KRTAP1-5: variants seen among roughly 807,000 people sequenced by gnomAD.
KRTAP1-5 encodes keratin-associated protein 1-5.
KRTAP1-5 carries 10 observed loss-of-function variants against 14.2 expected under a neutral mutation model. The ratio of observed to expected loss-of-function variants is 0.70; its 90% CI spans 0.43 to 1.19. The LOEUF is 1.19. Among genes scored for constraint, KRTAP1-5 ranks in the 50% most tolerant of loss-of-function variants. The pLI, the probability that KRTAP1-5 is intolerant of heterozygous loss-of-function variation, is 0.00. For synonymous variants in KRTAP1-5, 107 were observed against 80.2 expected (o/e 1.33, Z -1.79); for missense variants, 234 against 223.5 (o/e 1.05, Z -0.30).
rs1263633829 is a variant in KRTAP1-5 at position 41,026,862 on chromosome 17, A to T, written c.294T>A (p.Gly98=). The part of the protein sequence containing the change: ...ISSCGTGCGI[G]GGISYGQEGS... Reference sequence around the variant, plus strand: ...CCTCCTGGCCATAGCTGATGCCACCACCAATGCCACAGCCAGTTCCGCAGG... The same window carrying T: ...CCTCCTGGCCATAGCTGATGCCACCTCCAATGCCACAGCCAGTTCCGCAGG... The change falls in exon 1 of 1, where the codon GGT becomes GGA. Residue 98 remains glycine, a synonymous_variant. Coordinates refer to ENST00000361883, the MANE Select transcript of KRTAP1-5 (RefSeq NM_031957.2). 1.2e-6 allele frequency: 2 copies of T among 1,612,186 alleles called. No individual in the cohort carries two copies. Among genetic ancestry groups the T allele is most frequent in the East Asian group, 4.5e-5 (2 of 44,884 alleles).
At position 41,027,167 on chromosome 17, in the gene KRTAP1-5, T is replaced by C; in HGVS notation, c.-12A>G. On this transcript the variant is annotated 5_prime_UTR_variant, in exon 1 of 1. Transcript: ENST00000361883. The stretch of plus-strand genomic sequence containing the variant: ...TGGCAGCAGGTCATGGTGTCAGAAG[T>C]TGGGTTAAGAGTTAGGTTGCTTGGA... 15 of 1,613,712 alleles carry C rather than the reference T, an allele frequency of 9.3e-6. No homozygotes were observed. The highest frequency in any genetic ancestry group is 1.1e-5 in the Non-Finnish European group (13 of 1,179,678).
In KRTAP1-5 at chr17:41,026,755, C is replaced by G; in HGVS notation, c.401G>C (p.Cys134Ser). 1 of 1,612,918 alleles carries G rather than the reference C, an allele frequency of 6.2e-7. No individual in the cohort carries two copies. The highest frequency in any genetic ancestry group is 8.5e-7 in the Non-Finnish European group (1 of 1,179,512). The change falls in exon 1 of 1, where the codon TGT (cysteine) becomes TCT (serine). Residue 134 changes from cysteine to serine, a missense_variant. Transcript: ENST00000361883. ...GGATGGGGGCGTGCAGCTCACCACA[C>G]AGCAGGGGGGTAGGTAGGTGCCCTC... ...RVEGTYLPPC[C>S]VVSCTPPSCC...
In KRTAP1-5 at chr17:41,026,745, G is replaced by C. The variant is rs765209581; in HGVS notation, c.411C>G (p.Ser137Arg). The C allele has an allele frequency of 5.6e-6, 9 of 1,613,360 alleles. No homozygotes were observed. The East Asian group carries it at 2.0e-4, about 36-fold the overall frequency. The part of the protein sequence containing the change: ...GTYLPPCCVV[S>R]CTPPSCCQLH... The stretch of plus-strand genomic sequence containing the variant: ...GTTGGCAGCAGGATGGGGGCGTGCA[G>C]CTCACCACACAGCAGGGGGGTAGGT... The change falls in exon 1 of 1, where the codon AGC becomes AGG. Residue 137 changes from serine to arginine, a missense_variant. By Grantham distance (110) the Ser-to-Arg change is moderately radical. Transcript: ENST00000361883.
Position 41,026,289 on chromosome 17 carries a change from A to C in KRTAP1-5, c.*342T>G. On this transcript the variant is annotated 3_prime_UTR_variant, in exon 1 of 1. Transcript: ENST00000361883. The stretch of plus-strand genomic sequence containing the variant: ...CAAAAAATTTTAGGTAAACAAGATA[A>C]AATAGATTATAAAGCATGGAAACAT... 3.7e-6 allele frequency: 1 copy of C among 268,532 alleles called. No homozygotes were observed. The highest frequency in any genetic ancestry group is 1.1e-3 in the Middle Eastern group (1 of 914). 16.6% of individuals were successfully genotyped at this position (268,532 alleles called of 1,614,324 possible).
rs1357135724 is a variant in KRTAP1-5, at chr17:41,026,277, G to C, written c.*354C>G. 1 of 233,460 alleles carries C rather than the reference G, an allele frequency of 4.3e-6. No individual in the cohort carries two copies. The highest frequency in any genetic ancestry group is 8.2e-6 in the Non-Finnish European group (1 of 122,192). 14.5% of individuals were successfully genotyped at this position (233,460 alleles called of 1,614,324 possible). ...TCTTTGATGTTGCAAAAAATTTTAG[G>C]TAAACAAGATAAAATAGATTATAAA... On this transcript the variant is annotated 3_prime_UTR_variant, in exon 1 of 1. Transcript: ENST00000361883.
At position 41,026,392 on chromosome 17, in the gene KRTAP1-5, G is replaced by A; in HGVS notation, c.*239C>T. 2 of 499,354 alleles carry A rather than the reference G, an allele frequency of 4.0e-6. No homozygotes were observed. Among genetic ancestry groups the A allele is most frequent in the East Asian group, 3.0e-5 (1 of 33,148 alleles). 30.9% of individuals were successfully genotyped at this position (499,354 alleles called of 1,614,324 possible). ...TAATCCTGCAGAAATATCAGAAATA[G>A]TATATCCCAAGCAAATTGATGATCA... On this transcript the variant is annotated 3_prime_UTR_variant, in exon 1 of 1. Transcript: ENST00000361883.
Position 41,026,887 on chromosome 17 carries a change from G to A in KRTAP1-5, c.269C>T (p.Ser90Phe). 1 of 1,611,104 alleles carries A rather than the reference G, an allele frequency of 6.2e-7. No individual in the cohort carries two copies. Among genetic ancestry groups the A allele is most frequent in the Non-Finnish European group, 8.5e-7 (1 of 1,179,890 alleles). Reference sequence around the variant, plus strand: ...ACCAATGCCACAGCCAGTTCCGCAGGAGCTGATCTGGCAGCAGCTTGGCTG... The same window carrying A: ...ACCAATGCCACAGCCAGTTCCGCAGAAGCTGATCTGGCAGCAGCTTGGCTG... Reference protein sequence around the residue: ...CCQPSCCQISSCGTGCGIGGG... With the variant: ...CCQPSCCQISFCGTGCGIGGG... The change falls in exon 1 of 1, where the codon TCC becomes TTC. Residue 90 changes from serine to phenylalanine, a missense_variant. By Grantham distance (155) the Ser-to-Phe change is radical. Transcript: ENST00000361883.
chr17:41,027,184 T>C lies in KRTAP1-5; in HGVS notation c.-29A>G, dbSNP rs761219098. On this transcript the variant is annotated 5_prime_UTR_variant, in exon 1 of 1. Transcript: ENST00000361883. The stretch of plus-strand genomic sequence containing the variant: ...GTCAGAAGTTGGGTTAAGAGTTAGG[T>C]TGCTTGGAGGAGTTTCTGAGGTTTG... The C allele has an allele frequency of 6.2e-7, 1 of 1,609,304 alleles. No homozygotes were observed. Among genetic ancestry groups the C allele is most frequent in the Non-Finnish European group, 8.5e-7 (1 of 1,176,658 alleles).
Position 41,026,887 on chromosome 17 carries a change from G to T in KRTAP1-5, c.269C>A (p.Ser90Tyr), listed in dbSNP as rs752375976. 1.2e-6 allele frequency: 2 copies of T among 1,610,992 alleles called. No individual in the cohort carries two copies. Among genetic ancestry groups the T allele is most frequent in the African/African-American group, 2.7e-5 (2 of 73,376 alleles). Reference protein sequence around the residue: ...CCQPSCCQISSCGTGCGIGGG... With the variant: ...CCQPSCCQISYCGTGCGIGGG... ...ACCAATGCCACAGCCAGTTCCGCAG[G>T]AGCTGATCTGGCAGCAGCTTGGCTG... Residue 90 changes from serine (S) to tyrosine (Y), a missense_variant, in exon 1 of 1, where the codon TCC (serine) becomes TAC (tyrosine). By Grantham distance (144) the Ser-to-Tyr change is moderately radical (BLOSUM62 -2). Transcript: ENST00000361883.
At position 41,026,320 on chromosome 17, in the gene KRTAP1-5, T is replaced by C. The variant is rs2012322682; in HGVS notation, c.*311A>G. ...ATTATAAAGCATGGAAACATTAGAC[T>C]TGTGGATAGTTCTCATGGATAAATT... On this transcript the variant is annotated 3_prime_UTR_variant, in exon 1 of 1. Coordinates refer to ENST00000361883, the MANE Select transcript of KRTAP1-5 (RefSeq NM_031957.2). 3 of 370,146 alleles carry C rather than the reference T, an allele frequency of 8.1e-6. No homozygotes were observed. The highest frequency in any genetic ancestry group is 1.5e-5 in the Non-Finnish European group (3 of 206,430). The allele number at this position is 370,146 out of a possible 1,614,324, so 22.9% of individuals were successfully genotyped here. A position where few individuals can be genotyped will look rare whatever the true frequency, so the allele number is the denominator to read the frequency against.
Position 41,027,121 on chromosome 17 carries a change from G to A in KRTAP1-5, c.35C>T (p.Pro12Leu). ...ACAGGTCCCACTGATGGAGAAGCTG[G>A]GATATCCACAGAAGCTGGTCTGGCA... is the stretch of plus-strand genomic sequence containing the variant. Reference protein sequence around the residue: ...TCCQTSFCGYPSFSISGTCGS... With the variant: ...TCCQTSFCGYLSFSISGTCGS... The change falls in exon 1 of 1, where the codon CCC becomes CTC. Residue 12 changes from proline to leucine, a missense_variant. Physicochemically the swap from Pro to Leu is moderately conservative, Grantham distance 98. Transcript: ENST00000361883. 1 of 1,614,228 alleles carries A rather than the reference G, an allele frequency of 6.2e-7. No homozygotes were observed. The highest frequency in any genetic ancestry group is 8.5e-7 in the Non-Finnish European group (1 of 1,180,040).
Position 41,026,973 on chromosome 17 carries a change from G to A in KRTAP1-5, c.183C>T (p.Cys61=), listed in dbSNP as rs1458666840. 6.2e-6 allele frequency: 10 copies of A among 1,608,834 alleles called. No homozygotes were observed. Among genetic ancestry groups the A allele is most frequent in the Non-Finnish European group, 8.5e-6 (10 of 1,179,000 alleles). The change falls in exon 1 of 1, where the codon TGC becomes TGT. Residue 61 remains cysteine, a synonymous_variant. Coordinates refer to ENST00000361883, the MANE Select transcript of KRTAP1-5 (RefSeq NM_031957.2). ...AGCTGGTCTCACAGCAGCTTGGCTG[G>A]CAGCAACTGGAGCTGCAGGTCCCAC... ...STSGTCSSSC[C]QPSCCETSCC...
rs960336926 is a variant in KRTAP1-5, at chr17:41,026,744, A to G, written c.412T>C (p.Cys138Arg). 44 of 1,613,388 alleles carry G rather than the reference A, an allele frequency of 2.7e-5. No homozygotes were observed. The highest frequency in any genetic ancestry group is 5.3e-5 in the African/African-American group (4 of 74,892). ...AGTTGGCAGCAGGATGGGGGCGTGC[A>G]GCTCACCACACAGCAGGGGGGTAGG... ...TYLPPCCVVSCTPPSCCQLHH... is the reference protein window; with the variant it reads ...TYLPPCCVVSRTPPSCCQLHH... Residue 138 changes from cysteine to arginine, a missense_variant, in exon 1 of 1, where the codon TGC becomes CGC. Cys to Arg is a radical substitution (Grantham distance 180). Coordinates refer to ENST00000361883, the MANE Select transcript of KRTAP1-5 (RefSeq NM_031957.2).
Position 41,027,075 on chromosome 17 carries a change from T to G in KRTAP1-5, c.81A>C (p.Pro27=), listed in dbSNP as rs2012351928. The G allele has an allele frequency of 1.9e-6, 3 of 1,613,696 alleles. No individual in the cohort carries two copies. Among genetic ancestry groups the G allele is most frequent in the Non-Finnish European group, 2.5e-6 (3 of 1,179,964 alleles). The change falls in exon 1 of 1, where the codon CCA becomes CCC. Residue 27 remains proline (P), a synonymous_variant. Transcript: ENST00000361883. ...SGTCGSSCCQ[P]SCCETSCCQP... ...GGCAGCAGCTGGTCTCACAGCAGCT[T>G]GGCTGGCAGCAGCTGGAGCCACAGG...
rs750070334 is a variant in KRTAP1-5, at chr17:41,027,190, G to A, written c.-35C>T. 5.0e-6 allele frequency: 8 copies of A among 1,605,102 alleles called. No homozygotes were observed. In the South Asian group the frequency reaches 7.8e-5, roughly 16 times the overall value. The stretch of plus-strand genomic sequence containing the variant: ...AGTTGGGTTAAGAGTTAGGTTGCTT[G>A]GAGGAGTTTCTGAGGTTTGGTGGTG... On this transcript the variant is annotated 5_prime_UTR_variant, in exon 1 of 1. Coordinates refer to ENST00000361883, the MANE Select transcript of KRTAP1-5 (RefSeq NM_031957.2).
In KRTAP1-5 at chr17:41,027,018, T is replaced by C. The variant is rs1489613073; in HGVS notation, c.138A>G (p.Gly46=). The C allele has an allele frequency of 6.2e-7, 1 of 1,607,482 alleles. No individual in the cohort carries two copies. The highest frequency in any genetic ancestry group is 8.5e-7 in the Non-Finnish European group (1 of 1,178,752). ...TCCCACTGGTTGAGAAGCTGGGAAA[T>C]CCGCAGAAGCTAGTCTGGCAGCTGC... ...QPRSCQTSFC[G]FPSFSTSGTC... Residue 46 remains glycine (G), a synonymous_variant, in exon 1 of 1, where the codon GGA becomes GGG. Transcript: ENST00000361883.
chr17:41,027,165 A>G lies in KRTAP1-5; in HGVS notation c.-10T>C. 1 of 1,613,744 alleles carries G rather than the reference A, an allele frequency of 6.2e-7. No homozygotes were observed. Among genetic ancestry groups the G allele is most frequent in the Non-Finnish European group, 8.5e-7 (1 of 1,179,698 alleles). On this transcript the variant is annotated 5_prime_UTR_variant, in exon 1 of 1. Transcript: ENST00000361883. ...TCTGGCAGCAGGTCATGGTGTCAGAAGTTGGGTTAAGAGTTAGGTTGCTTG... is the reference window on the plus strand; with the variant it reads ...TCTGGCAGCAGGTCATGGTGTCAGAGGTTGGGTTAAGAGTTAGGTTGCTTG...
At position 41,026,722 on chromosome 17, in the gene KRTAP1-5, T is replaced by A. The variant is rs1597944208; in HGVS notation, c.434A>T (p.Gln145Leu). The change falls in exon 1 of 1, where the codon CAA becomes CTA. Residue 145 changes from glutamine to leucine, a missense_variant. Coordinates refer to ENST00000361883, the MANE Select transcript of KRTAP1-5 (RefSeq NM_031957.2). ...VVSCTPPSCC[Q>L]LHHAQASCCR... ...GCAGGAGGCCTGGGCATGGTGCAGT[T>A]GGCAGCAGGATGGGGGCGTGCAGCT... 2.5e-6 allele frequency: 4 copies of A among 1,613,746 alleles called. No homozygotes were observed. The highest frequency in any genetic ancestry group is 2.2e-5 in the East Asian group (1 of 44,878).
In KRTAP1-5 at chr17:41,026,508, C is replaced by T; in HGVS notation, c.*123G>A. The T allele has an allele frequency of 1.9e-6, 2 of 1,041,268 alleles. No homozygotes were observed. 64.5% of individuals were successfully genotyped at this position (1,041,268 alleles called of 1,614,324 possible). A position where few individuals can be genotyped will look rare whatever the true frequency, so the allele number is the denominator to read the frequency against. On this transcript the variant is annotated 3_prime_UTR_variant, in exon 1 of 1. Transcript: ENST00000361883. ...TCAGATAGAATTGTGAGCTCATATA[C>T]TTAGTAGTCTCCATCACAAGCAATG...
Sources: gnomAD v4.1 joint callset for allele counts on GRCh38, gnomAD v4.1.1 for gene constraint, MANE v1.5 for transcripts, NCBI Gene and HGNC (gene_info 2026-07-23, HGNC 2026-07-21) for gene names.